The following SEMA6D variants were observed in gnomAD, a reference collection of about 807,000 sequenced individuals.
SEMA6D encodes the protein semaphorin 6D, also known as semaphorin-6D.
A neutral mutation model predicts 106.6 loss-of-function variants in SEMA6D; 35 were observed. That is an observed-to-expected ratio of 0.33 (90% CI 0.25 to 0.44). The LOEUF (loss-of-function observed/expected upper bound fraction) is 0.44, where lower values mean the gene tolerates loss of function less well. SEMA6D is among the 20% of genes least tolerant of loss of function. The probability of loss-of-function intolerance (pLI) is 1.00; values close to 1 mark genes in which losing one functional copy is unlikely to be tolerated. For synonymous variants in SEMA6D, 499 were observed against 487.7 expected (o/e 1.02, Z -0.31); for missense variants, 1,185 against 1,345.9 (o/e 0.88, Z 1.87).
At chr15:47,331,712 A>T (rs1474855463) in intron 1 of SEMA6D, among the ~76,000 whole-genome samples, 1 of 152,210 alleles carries the variant, frequency 6.6e-6, no homozygotes, top group Non-Finnish European at 1.5e-5. Flanking sequence ...ATTGTCAAAA[A>T]TTTCTTTAAT....
At chr15:47,365,775 T>C (rs1375264678) in intron 1 of SEMA6D, among the ~76,000 whole-genome samples, 1 of 151,500 alleles carries the variant, frequency 6.6e-6, no homozygotes, top group African/African-American at 2.4e-5. Context: ...GTAGGAGAAT[T>C]GTGTGAACCC....
At chr15:47,203,683 C>G (rs1236005318) in intron 1 of SEMA6D, among the ~76,000 whole-genome samples, 3 of 152,108 alleles carry the variant, frequency 2.0e-5, no homozygotes, top group Non-Finnish European at 4.4e-5. Flanking sequence ...TCTAGGTAAC[C>G]TGTTTTTGTA....
intron 2 of SEMA6D, among the ~76,000 whole-genome samples, chr15:47,439,238 T>C (rs1235552356): frequency 6.6e-6 from 1 of 152,128 alleles, no homozygotes; most frequent in Non-Finnish European, 1.5e-5. Flanking sequence ...AACCAAACAA[T>C]AGCTATGTGC....
chr15:47,524,290 C>T (rs1339612487), intron 3 of SEMA6D, among the ~76,000 whole-genome samples: 1 of 152,178 alleles, frequency 6.6e-6, no homozygotes, highest in African/African-American at 2.4e-5. Flanking sequence ...ATCCTCATCT[C>T]CCCGGGAGAC....
intron 1 of SEMA6D, among the ~76,000 whole-genome samples, chr15:47,190,736 C>G (rs1893902115): frequency 6.6e-6 from 1 of 152,156 alleles, no homozygotes; most frequent in African/African-American, 2.4e-5. Context: ...AATGTATTAA[C>G]CTTTTCAATA....
At chr15:47,629,816 C>G (rs985266508) in intron 4 of SEMA6D, among the ~76,000 whole-genome samples, 3 of 151,826 alleles carry the variant, frequency 2.0e-5, no homozygotes, top group African/African-American at 4.8e-5. Context: ...CTTTCTGTGC[C>G]TGGCTTATTT....
intron 3 of SEMA6D, among the ~76,000 whole-genome samples, chr15:47,523,459 C>T (rs2044653156): frequency 6.6e-6 from 1 of 151,888 alleles, no homozygotes; most frequent in South Asian, 2.1e-4. Context: ...TGGGAAGAAA[C>T]ACCAATGTTC....
intron 1 of SEMA6D, among the ~76,000 whole-genome samples, chr15:47,340,327 A>C (rs969103098): frequency 2.6e-5 from 4 of 152,006 alleles, no homozygotes; most frequent in African/African-American, 9.7e-5. Context: ...CAGGCAAAAT[A>C]ATTTACTCAA....
In SEMA6D at chr15:47,679,094, T is replaced by TG. The variant is rs1223470130; in HGVS notation, c.-55+78199dup. 2.0e-5 allele frequency among the ~76,000 whole-genome samples: 3 copies of TG among 152,388 alleles called. No homozygotes were observed. In the East Asian group the frequency reaches 5.8e-4, roughly 29 times the overall value. Reference sequence around the variant, plus strand: ...TCCGATGTTATACACTGTGTATTCATGCACATAGAATTGATTAATATTTGC... The same window carrying TG: ...TCCGATGTTATACACTGTGTATTCATGGCACATAGAATTGATTAATATTTGC... On this transcript the variant is annotated intron_variant, in intron 4 of 19. Transcript: ENST00000558014.
At chr15:47,239,948 A>T (rs1306386941) in intron 1 of SEMA6D, among the ~76,000 whole-genome samples, 2 of 152,188 alleles carry the variant, frequency 1.3e-5, no homozygotes, top group African/African-American at 4.8e-5. Flanking sequence ...TTTAAAAGTT[A>T]TGTGAAGGTA....
intron 3 of SEMA6D, among the ~76,000 whole-genome samples, chr15:47,499,869 C>CT (rs901956222): frequency 8.6e-5 from 13 of 151,254 alleles, no homozygotes; most frequent in African/African-American, 1.5e-4. Context: ...GTGGGTCAAG[C>CT]TTTTTTTTTG....
intron 3 of SEMA6D, among the ~76,000 whole-genome samples, chr15:47,471,949 A>T (rs1203942293): frequency 5.9e-5 from 9 of 151,394 alleles, no homozygotes; most frequent in African/African-American, 2.2e-4. Context: ...ACACACACAC[A>T]CACACACACA....
intron 1 of SEMA6D, among the ~76,000 whole-genome samples, chr15:47,375,746 C>T (rs370939966): frequency 1.3e-5 from 2 of 152,092 alleles, no homozygotes; most frequent in South Asian, 2.1e-4. Context: ...GGGTGCATAG[C>T]AAATATAGTT....
intron 4 of SEMA6D, among the ~76,000 whole-genome samples, chr15:47,617,451 TAA>T (rs2077027686): frequency 6.6e-6 from 1 of 152,168 alleles, no homozygotes; most frequent in African/African-American, 2.4e-5. Context: ...CTACTATTTT[TAA>T]AAGTTGCCAC....
intron 3 of SEMA6D, among the ~76,000 whole-genome samples, chr15:47,489,813 A>T (rs2043415450): frequency 6.6e-6 from 1 of 151,838 alleles, no homozygotes; most frequent in South Asian, 2.1e-4. Flanking sequence ...CACCACTCCC[A>T]GCTGATTTTT....
chr15:47,596,858 G>A (rs754022642), intron 3 of SEMA6D, among the ~76,000 whole-genome samples: 5 of 152,040 alleles, frequency 3.3e-5, no homozygotes, highest in African/African-American at 9.6e-5. Flanking sequence ...AAAAAACTAC[G>A]CAACATTGGT....
chr15:47,421,932 A>G (rs556349661), intron 2 of SEMA6D, among the ~76,000 whole-genome samples: 24 of 152,132 alleles, frequency 1.6e-4, no homozygotes, highest in African/African-American at 5.3e-4. Context: ...ATAAAATTCT[A>G]TTGTCTCCAC....
At chr15:47,329,288 C>G (rs2037248859) in intron 1 of SEMA6D, among the ~76,000 whole-genome samples, 1 of 152,172 alleles carries the variant, frequency 6.6e-6, no homozygotes, top group South Asian at 2.1e-4. Flanking sequence ...AGTGTTTAAA[C>G]AAATGGAGAA....
chr15:47,491,787 A>G (rs2043483746), intron 3 of SEMA6D, among the ~76,000 whole-genome samples: 1 of 152,214 alleles, frequency 6.6e-6, no homozygotes, highest in Non-Finnish European at 1.5e-5. Flanking sequence ...TTTGCCAAAG[A>G]AATCTCATTC....
Sources: gnomAD v4.1 joint callset for allele counts (sites outside exome capture counted in the v4.1 genomes callset) on GRCh38, gnomAD v4.1.1 for gene constraint, MANE v1.5 for transcripts, NCBI Gene and HGNC (gene_info 2026-07-23, HGNC 2026-07-21) for gene names.